DTNA: variants seen among roughly 807,000 people sequenced by gnomAD.
The protein encoded by DTNA is dystrobrevin alpha.
A neutral mutation model predicts 100.7 loss-of-function variants in DTNA; 43 were observed. The ratio of observed to expected loss-of-function variants is 0.43; its 90% CI spans 0.33 to 0.55. The LOEUF (loss-of-function observed/expected upper bound fraction) is 0.55. Ranked by LOEUF, DTNA falls within the 20% of genes least tolerant of loss-of-function variation. The pLI is 0.04. For missense variants in DTNA, 798 were observed against 953.9 expected, an observed-to-expected ratio of 0.84 and a Z score of 2.15; for synonymous variants, 349 against 347.9, an observed-to-expected ratio of 1.00 and a Z score of -0.04.
In DTNA at chr18:34,827,647, C is replaced by A; in HGVS notation, c.1056C>A (p.Pro352=). ...MNDTLFSHSV[P]SSGSPFITRR... Reference sequence around the variant, plus strand: ...ACACCCTGTTCTCCCACTCTGTTCCCTCCTCAGGAAGTCCTTTTATTACCA... The same window carrying A: ...ACACCCTGTTCTCCCACTCTGTTCCATCCTCAGGAAGTCCTTTTATTACCA... Residue 352 remains proline, a synonymous_variant, in exon 10 of 23, where the codon CCC becomes CCA. Coordinates refer to ENST00000444659, the MANE Select transcript of DTNA (RefSeq NM_001386795.1). The A allele has an allele frequency of 6.2e-6, 10 of 1,613,934 alleles. No homozygotes were observed. Among genetic ancestry groups the A allele is most frequent in the Non-Finnish European group, 8.5e-6 (10 of 1,179,850 alleles).
At chr18:34,535,005 C>A (rs1186205473) in intron 1 of DTNA, among the ~76,000 whole-genome samples, 3 of 152,068 alleles carry the variant, frequency 2.0e-5, no homozygotes, top group African/African-American at 7.2e-5. Flanking sequence ...TGGGTATATA[C>A]CCAGTAATGG....
chr18:34,739,695 A>G (rs1430018273), intron 1 of DTNA, among the ~76,000 whole-genome samples: 1 of 152,128 alleles, frequency 6.6e-6, no homozygotes, highest in Non-Finnish European at 1.5e-5. Flanking sequence ...AAATCAGAAA[A>G]CAGAAAAACA....
chr18:34,816,065 G>A (rs1294307894), intron 7 of DTNA, 51 bp downstream of exon 7: 11 of 1,550,844 alleles, frequency 7.1e-6, no homozygotes, highest in African/African-American at 1.4e-5. Context: ...TTGAAATTAG[G>A]CCATTAGTTC....
At chr18:34,599,374 C>A (rs1452260248) in intron 1 of DTNA, among the ~76,000 whole-genome samples, 1 of 152,132 alleles carries the variant, frequency 6.6e-6, no homozygotes, top group Non-Finnish European at 1.5e-5. Context: ...TGGCTGATTT[C>A]TAATCATAAC....
chr18:34,620,581 C>T (rs1288149390), intron 1 of DTNA, among the ~76,000 whole-genome samples: 1 of 152,104 alleles, frequency 6.6e-6, no homozygotes, highest in Non-Finnish European at 1.5e-5. Context: ...ATACAGGAAG[C>T]TTAGTGGCTT....
At chr18:34,520,836 T>G (rs970405951) in intron 1 of DTNA, among the ~76,000 whole-genome samples, 3 of 152,114 alleles carry the variant, frequency 2.0e-5, no homozygotes, top group African/African-American at 7.2e-5. Context: ...ATTTTCTCTC[T>G]AGTTCAGAAC....
intron 9 of DTNA, among the ~76,000 whole-genome samples, chr18:34,826,056 A>G (rs553385980): frequency 3.9e-5 from 6 of 152,270 alleles, no homozygotes; most frequent in African/African-American, 1.4e-4. Flanking sequence ...TATGTCTTAG[A>G]TAAGTAATGC....
At chr18:34,815,278 A>G (rs1444071960) in intron 6 of DTNA, among the ~76,000 whole-genome samples, 4 of 152,178 alleles carry the variant, frequency 2.6e-5, no homozygotes, top group Non-Finnish European at 4.4e-5. Context: ...AAACTTATAG[A>G]TACAATGCAT....
chr18:34,833,674 G>A (rs1156983769), intron 11 of DTNA, among the ~76,000 whole-genome samples: 1 of 152,184 alleles, frequency 6.6e-6, no homozygotes, highest in Non-Finnish European at 1.5e-5. Flanking sequence ...TGCTCATACA[G>A]TGGCAAGGGA....
chr18:34,681,714 ACACACACACACACACACCC>A (rs2078138577), intron 1 of DTNA, among the ~76,000 whole-genome samples: 2 of 151,006 alleles, frequency 1.3e-5, no homozygotes, highest in Admixed American at 1.3e-4. Context: ...ACACACACAC[ACACACACACACACACACCC>A]CACACACACA....
rs746736894 is a variant in DTNA at position 34,858,355 on chromosome 18, G to A, written c.1603G>A (p.Ala535Thr). Residue 535 changes from alanine to threonine, a missense_variant, in exon 16 of 23, where the codon GCA (alanine) becomes ACA (threonine). Ala to Thr is a moderately conservative substitution (Grantham distance 58, BLOSUM62 0). This residue lies in a region of DTNA where 159 missense variants were observed against 201.2 expected (regional missense o/e 0.79). Coordinates refer to ENST00000444659, the MANE Select transcript of DTNA (RefSeq NM_001386795.1). The stretch of plus-strand genomic sequence containing the variant: ...AGCTTCTCAGCCCACGCCAGAGAAG[G>A]CACAGCAAAACCCCACCCTGCTGGC... ...EQASQPTPEK[A>T]QQNPTLLAEL... The A allele has an allele frequency of 6.8e-6, 11 of 1,614,148 alleles. No homozygotes were observed. Among genetic ancestry groups the A allele is most frequent in the Non-Finnish European group, 9.3e-6 (11 of 1,180,028 alleles).
At chr18:34,851,462 C>T (rs1306683320) in intron 14 of DTNA, among the ~76,000 whole-genome samples, 1 of 152,168 alleles carries the variant, frequency 6.6e-6, no homozygotes, top group African/African-American at 2.4e-5. Flanking sequence ...AGAAAGCACC[C>T]TCTCAACAGT....
chr18:34,786,714 C>A (rs2094522555), intron 3 of DTNA, among the ~76,000 whole-genome samples: 1 of 152,140 alleles, frequency 6.6e-6, no homozygotes, highest in South Asian at 2.1e-4. Context: ...ATCCAATTTC[C>A]AGCATAACTA....
chr18:34,775,435 A>C (rs947600404), intron 3 of DTNA, among the ~76,000 whole-genome samples: 3 of 152,164 alleles, frequency 2.0e-5, no homozygotes, highest in Non-Finnish European at 2.9e-5. Context: ...GCAGTGAGCC[A>C]AGATTGCACC....
chr18:34,791,902 C>A (rs2094761723), intron 3 of DTNA, among the ~76,000 whole-genome samples: 1 of 152,184 alleles, frequency 6.6e-6, no homozygotes. Flanking sequence ...AAGTGAGACT[C>A]TAAGTCTTAG....
intron 1 of DTNA, among the ~76,000 whole-genome samples, chr18:34,503,564 G>A (rs987952772): frequency 3.3e-5 from 5 of 152,010 alleles, no homozygotes; most frequent in African/African-American, 7.2e-5. Context: ...GATTATAGGC[G>A]TGAGCCACCA....
chr18:34,594,620 T>A (rs191620154), intron 1 of DTNA, among the ~76,000 whole-genome samples: 7 of 152,242 alleles, frequency 4.6e-5, no homozygotes, highest in Non-Finnish European at 1.0e-4. Flanking sequence ...GGGCTTCTTA[T>A]GGATTTTTCA....
At chr18:34,879,996 T>C (rs2096856870) in intron 20 of DTNA, among the ~76,000 whole-genome samples, 1 of 152,066 alleles carries the variant, frequency 6.6e-6, no homozygotes, top group Non-Finnish European at 1.5e-5. Flanking sequence ...CTATACAAAA[T>C]AGTATTAAAA....
At chr18:34,592,854 A>G (rs2049896339) in intron 1 of DTNA, among the ~76,000 whole-genome samples, 1 of 152,318 alleles carries the variant, frequency 6.6e-6, no homozygotes, top group Non-Finnish European at 1.5e-5. Flanking sequence ...GCTGTCCTAC[A>G]ATGAAAATAT....
Sources: gnomAD v4.1 joint callset for allele counts (sites outside exome capture counted in the v4.1 genomes callset) on GRCh38, gnomAD v4.1.1 for gene constraint, gnomAD v4.1.1 regional missense constraint, MANE v1.5 for transcripts, NCBI Gene and HGNC (gene_info 2026-07-23, HGNC 2026-07-21) for gene names.